TRMT11: variants seen among roughly 807,000 people sequenced by gnomAD.
TRMT11 encodes tRNA (guanine(10)-N(2))-methyltransferase TRMT11.
In TRMT11, 53 loss-of-function variants were observed where a neutral mutation model predicts 62.8. The observed-to-expected ratio is 0.84, with a 90% CI of 0.68 to 1.06. TRMT11 has a LOEUF of 1.06. TRMT11 is among the 50% of genes least tolerant of loss of function. TRMT11 has a pLI of 0.00. For missense variants in TRMT11, 556 were observed against 553.4 expected, an observed-to-expected ratio of 1.00 and a Z score of -0.05; for synonymous variants, 188 against 190.3, an observed-to-expected ratio of 0.99 and a Z score of 0.10.
intron 17 of TRMT11, among the ~76,000 whole-genome samples, chr6:126,074,587 G>A (rs1776957275): frequency 6.6e-6 from 1 of 152,046 alleles, no homozygotes; most frequent in Non-Finnish European, 1.5e-5. Flanking sequence ...TTAGGCCATG[G>A]GCAATGTCTG....
the TRMT11 span, among the ~76,000 whole-genome samples, chr6:126,241,322 C>T: frequency 1.5e-4 from 23 of 152,270 alleles, no homozygotes; most frequent in Admixed American, 5.9e-4. Context: ...TGTTCCTATT[C>T]GGCCTTCTTG....
intron 18 of TRMT11, among the ~76,000 whole-genome samples, chr6:126,113,007 C>T (rs1777549395): frequency 6.6e-6 from 1 of 151,992 alleles, no homozygotes; most frequent in Admixed American, 6.6e-5. Context: ...CTTTTTGCAT[C>T]TGAGTGGACA....
chr6:125,998,933 C>A (rs1295608631), intron 6 of TRMT11, among the ~76,000 whole-genome samples: 1 of 151,636 alleles, frequency 6.6e-6, no homozygotes, highest in African/African-American at 2.4e-5. Context: ...ACAAGACTTA[C>A]CAGAACATCT....
chr6:126,127,177 C>CTAGA (rs1777728154), intron 21 of TRMT11, among the ~76,000 whole-genome samples: 1 of 152,074 alleles, frequency 6.6e-6, no homozygotes, highest in African/African-American at 2.4e-5. Flanking sequence ...TGCAGATAAA[C>CTAGA]TAGAGGTTGT....
chr6:126,121,330 G>A (rs1417474034), intron 21 of TRMT11, among the ~76,000 whole-genome samples: 1 of 152,012 alleles, frequency 6.6e-6, no homozygotes, highest in Non-Finnish European at 1.5e-5. Flanking sequence ...AAAATCACAA[G>A]TAAGAATAAC....
intron 17 of TRMT11, among the ~76,000 whole-genome samples, chr6:126,095,201 C>T (rs1777326999): frequency 6.6e-6 from 1 of 152,202 alleles, no homozygotes; most frequent in Non-Finnish European, 1.5e-5. Flanking sequence ...ATAATCAACA[C>T]ACAATGGATA....
At chr6:126,011,004 C>T (rs965895294) in intron 8 of TRMT11, among the ~76,000 whole-genome samples, 3 of 152,042 alleles carry the variant, frequency 2.0e-5, no homozygotes, top group Non-Finnish European at 4.4e-5. Context: ...TTGAAAATAT[C>T]GAATGAGTGT....
chr6:126,263,481 A>G, the TRMT11 span, among the ~76,000 whole-genome samples: 1 of 152,238 alleles, frequency 6.6e-6, no homozygotes, highest in Non-Finnish European at 1.5e-5. Context: ...AAACATGCAA[A>G]ATGACAAATG....
At chr6:126,064,547 A>G (rs1164604821) in intron 17 of TRMT11, among the ~76,000 whole-genome samples, 6 of 152,154 alleles carry the variant, frequency 3.9e-5, no homozygotes, top group Non-Finnish European at 8.8e-5. Flanking sequence ...ACAGGAAAAA[A>G]TTAATTTGCC....
At chr6:126,191,026 A>G (rs1035839516) in intron 1 of TRMT11, among the ~76,000 whole-genome samples, 1 of 152,122 alleles carries the variant, frequency 6.6e-6, no homozygotes, top group Non-Finnish European at 1.5e-5. Context: ...GTTTTCCATG[A>G]TGGCTGTACT....
At chr6:126,203,433 A>G (rs1334538815), downstream of TRMT11, among the ~76,000 whole-genome samples, 1 of 152,168 alleles carries the variant, frequency 6.6e-6, no homozygotes, top group Non-Finnish European at 1.5e-5. Flanking sequence ...TCCATTTGAG[A>G]TCCTCCAAAT....
At chr6:126,271,363 C>CAAAAAA in the TRMT11 span, among the ~76,000 whole-genome samples, 648 of 35,788 alleles carry the variant, frequency 0.018, 1 homozygote, top group East Asian at 0.049. Context: ...GACTCCATCT[C>CAAAAAA]AAAAAAAAAA....
chr6:126,268,574 A>C, the TRMT11 span, among the ~76,000 whole-genome samples: 4 of 152,162 alleles, frequency 2.6e-5, no homozygotes, highest in Non-Finnish European at 4.4e-5. Context: ...TTGTTCCATG[A>C]ATGCCATTGT....
chr6:126,022,092 CT>C (rs1163750377), intron 12 of TRMT11, among the ~76,000 whole-genome samples: 3 of 133,458 alleles, frequency 2.2e-5, no homozygotes, highest in Non-Finnish European at 4.7e-5. Flanking sequence ...CGGAGTTTCC[CT>C]CTTTCACCCA....
chr6:126,152,917 C>T (rs1215371684), intron 21 of TRMT11, among the ~76,000 whole-genome samples: 3 of 152,134 alleles, frequency 2.0e-5, no homozygotes, highest in Admixed American at 2.0e-4. Flanking sequence ...ACTGTAAATT[C>T]CCACACTGGT....
chr6:126,121,742 G>A (rs1440336116), intron 21 of TRMT11, among the ~76,000 whole-genome samples: 1 of 152,010 alleles, frequency 6.6e-6, no homozygotes, highest in African/African-American at 2.4e-5. Flanking sequence ...TCATGTCCAG[G>A]ACAATTTATG....
At chr6:126,049,080 A>T (rs1257026120) in intron 16 of TRMT11, among the ~76,000 whole-genome samples, 1 of 152,232 alleles carries the variant, frequency 6.6e-6, no homozygotes, top group East Asian at 1.9e-4. Context: ...ATCCACAGGC[A>T]TCTGGAATCT....
At position 125,998,318 on chromosome 6, in the gene TRMT11, A is replaced by G. The variant is rs759977019; in HGVS notation, c.387+3A>G. ...AAGAGAAAATCAAGCGAATAGATGT[A>G]AGTAAATTTAGCAAAACAAAAAACC... On this transcript the variant is annotated splice_donor_region_variant and intron_variant, in intron 5 of 12. Transcript: ENST00000334379. 1.9e-6 allele frequency: 3 copies of G among 1,574,710 alleles called. No homozygotes were observed. In the Admixed American group the frequency reaches 5.2e-5, roughly 27 times the overall value.
At chr6:126,063,523 A>G (rs1003325932) in intron 17 of TRMT11, among the ~76,000 whole-genome samples, 4 of 152,244 alleles carry the variant, frequency 2.6e-5, no homozygotes, top group Admixed American at 2.6e-4. Flanking sequence ...CTAAAAGGAT[A>G]AATTAAACTT....
Sources: allele counts gnomAD v4.1 joint callset (sites outside exome capture counted in the v4.1 genomes callset), GRCh38; gene constraint gnomAD v4.1.1; transcripts MANE v1.5; gene names NCBI Gene and HGNC (gene_info 2026-07-23, HGNC 2026-07-21).